The following TIGAR variants were observed in gnomAD, a reference collection of about 807,000 sequenced individuals.
TIGAR encodes TP53 induced glycolysis regulatory phosphatase, also known as fructose-2,6-bisphosphatase TIGAR.
TIGAR carries 7 observed loss-of-function variants against 17.9 expected under a neutral mutation model. The observed-to-expected ratio is 0.39, with a 90% CI of 0.22 to 0.73. TIGAR has a LOEUF of 0.73. TIGAR is among the 30% of genes least tolerant of loss of function. The pLI, the probability that TIGAR is intolerant of heterozygous loss-of-function variation, is 0.42. For synonymous variants in TIGAR, 94 were observed against 108.6 expected, an observed-to-expected ratio of 0.87 and a Z score of 0.84; for missense variants, 258 against 327.4, an observed-to-expected ratio of 0.79 and a Z score of 1.64.
intron 3 of TIGAR, among the ~76,000 whole-genome samples, chr12:4,342,517 A>G (rs1369975600): frequency 1.3e-5 from 2 of 152,362 alleles, no homozygotes; most frequent in African/African-American, 4.8e-5. Flanking sequence ...AGGGAACCCC[A>G]TCAGACTAAC....
chr12:4,347,393 AGTCT>A (rs1864792311), intron 3 of TIGAR, among the ~76,000 whole-genome samples: 3 of 152,138 alleles, frequency 2.0e-5, no homozygotes, highest in Non-Finnish European at 4.4e-5. Flanking sequence ...TGGTTACCAG[AGTCT>A]GGGAAAGGTA....
intron 3 of TIGAR, among the ~76,000 whole-genome samples, chr12:4,339,484 A>C (rs1384105699): frequency 2.6e-5 from 4 of 152,200 alleles, no homozygotes; most frequent in Non-Finnish European, 5.9e-5. Flanking sequence ...AAGTACTAAT[A>C]CCAATCCTAC....
Position 4,354,768 on chromosome 12 carries a change from G to C in TIGAR, c.*2077G>C, listed in dbSNP as rs1297841427. Reference sequence around the variant, plus strand: ...TTTTTTGGAGACAGAGTCTCTCTCTGTTGCCCAGGCTGGGGTGCAATGGCG... The same window carrying C: ...TTTTTTGGAGACAGAGTCTCTCTCTCTTGCCCAGGCTGGGGTGCAATGGCG... On this transcript the variant is annotated 3_prime_UTR_variant, in exon 6 of 6. Transcript: ENST00000179259. 1.5e-5 allele frequency among the ~76,000 whole-genome samples: 2 copies of C among 133,036 alleles called. No homozygotes were observed. Among genetic ancestry groups the C allele is most frequent in the African/African-American group, 5.8e-5 (2 of 34,708 alleles). 87.3% of individuals were successfully genotyped at this position (133,036 alleles called of 152,430 possible).
intron 2 of TIGAR, among the ~76,000 whole-genome samples, chr12:4,334,094 C>T (rs12579860): frequency 6.6e-6 from 1 of 151,828 alleles, no homozygotes; most frequent in East Asian, 1.9e-4. Flanking sequence ...CACTACCTTT[C>T]AAATGATGTA....
intron 2 of TIGAR, 92 bp downstream of exon 2, chr12:4,331,409 G>T: frequency 2.6e-6 from 3 of 1,161,990 alleles, no homozygotes; most frequent in South Asian, 2.5e-5. Context: ...GTAGACTGGG[G>T]GCAGCACTCC....
intron 3 of TIGAR, among the ~76,000 whole-genome samples, chr12:4,349,542 C>T (rs903199305): frequency 2.6e-5 from 4 of 152,008 alleles, no homozygotes; most frequent in Admixed American, 6.6e-5. Context: ...CTCAGCCTCC[C>T]GAGTAGCTGG....
Position 4,359,105 on chromosome 12 carries a change from CTGT to C in TIGAR, c.*6416_*6418del, listed in dbSNP as rs1352567325. On this transcript the variant is annotated 3_prime_UTR_variant, in exon 6 of 6. Transcript: ENST00000179259. ...AGCCTTTATTGTTTATTTTCTGACT[CTGT>C]TTTTTTTTTCTTTAGCCAACTCACG... Among the ~76,000 whole-genome samples the C allele has an allele frequency of 2.3e-4, 3 of 13,120 alleles. No individual in the cohort carries two copies. Among genetic ancestry groups the C allele is most frequent in the South Asian group, 6.8e-3 (1 of 146 alleles). 8.6% of individuals were successfully genotyped at this position (13,120 alleles called of 152,430 possible). A position where few individuals can be genotyped will look rare whatever the true frequency, so the allele number is the denominator to read the frequency against.
chr12:4,321,266 G>T lies in TIGAR; in HGVS notation c.-6G>T, dbSNP rs765162825. On this transcript the variant is annotated 5_prime_UTR_variant, in exon 1 of 6. Coordinates refer to ENST00000179259, the MANE Select transcript of TIGAR (RefSeq NM_020375.3). The surrounding 1 kb of genome is among the most constrained non-coding windows in gnomAD (Gnocchi z 5.2). ...GGGGCCACCGACGGGACGCGGCTCC[G>T]GGAACATGGCTCGCTTCGCTCTGAC... The T allele has an allele frequency of 5.0e-6, 8 of 1,601,004 alleles. No individual in the cohort carries two copies. The highest frequency in any genetic ancestry group is 5.9e-6 in the Non-Finnish European group (7 of 1,179,814).
chr12:4,350,125 A>G (rs1864822395), intron 4 of TIGAR, among the ~76,000 whole-genome samples: 1 of 152,272 alleles, frequency 6.6e-6, no homozygotes, highest in African/African-American at 2.4e-5. Context: ...TACGCTCATA[A>G]GAACTTAACA....
chr12:4,352,242 T>C lies in TIGAR; in HGVS notation c.382-18T>C, dbSNP rs1864844237. ...CATTAATGTCACTTTATTTTGACTT[T>C]TATTTCTTTTCTTGTAGGTGAAAAT... On this transcript the variant is annotated intron_variant, in intron 5 of 5. Coordinates refer to ENST00000179259, the MANE Select transcript of TIGAR (RefSeq NM_020375.3). 2 of 1,591,446 alleles carry C rather than the reference T, an allele frequency of 1.3e-6. No homozygotes were observed. Among genetic ancestry groups the C allele is most frequent in the Admixed American group, 1.8e-5 (1 of 56,600 alleles).
chr12:4,332,898 A>C (rs1202313513), intron 2 of TIGAR, among the ~76,000 whole-genome samples: 4 of 152,172 alleles, frequency 2.6e-5, no homozygotes, highest in Admixed American at 1.3e-4. Flanking sequence ...CCTAAATATC[A>C]ATTTATGAGT....
chr12:4,342,933 C>G (rs531613495), intron 3 of TIGAR, among the ~76,000 whole-genome samples: 60 of 152,262 alleles, frequency 3.9e-4, no homozygotes, highest in African/African-American at 1.3e-3. Flanking sequence ...TTAAAAGACA[C>G]AGACTGGCAA....
At chr12:4,340,452 AT>A (rs1486080718) in intron 3 of TIGAR, among the ~76,000 whole-genome samples, 1 of 152,234 alleles carries the variant, frequency 6.6e-6, no homozygotes, top group African/African-American at 2.4e-5. Context: ...AAGAGTCAAT[AT>A]TGTTAAAATG....
At chr12:4,351,476 T>C (rs1266527324) in intron 5 of TIGAR, 99 bp downstream of exon 5, 10 of 860,230 alleles carry the variant, frequency 1.2e-5, no homozygotes, top group Non-Finnish European at 1.5e-5. Flanking sequence ...TGGTTCATTC[T>C]CTTTTCCATT....
chr12:4,350,422 T>G (rs1292273478), intron 4 of TIGAR, among the ~76,000 whole-genome samples: 3 of 152,190 alleles, frequency 2.0e-5, no homozygotes, highest in Non-Finnish European at 4.4e-5. Context: ...AAAGTTTTGT[T>G]TTTTTACACC....
At chr12:4,323,570 G>A (rs1183146768) in intron 1 of TIGAR, among the ~76,000 whole-genome samples, 2 of 152,154 alleles carry the variant, frequency 1.3e-5, no homozygotes, top group African/African-American at 2.4e-5. Context: ...AGACAGAGAC[G>A]CCTTGTAACT....
chr12:4,358,237 A>G lies in TIGAR; in HGVS notation c.*5546A>G, dbSNP rs894259942. Among the ~76,000 whole-genome samples, 27 of 151,882 alleles carry G rather than the reference A, an allele frequency of 1.8e-4. No homozygotes were observed. The highest frequency in any genetic ancestry group is 6.3e-4 in the African/African-American group (26 of 41,428). On this transcript the variant is annotated 3_prime_UTR_variant, in exon 6 of 6. Coordinates refer to ENST00000179259, the MANE Select transcript of TIGAR (RefSeq NM_020375.3). ...GGAGTTCAAGACCAGCCTGGCCAAC[A>G]TGGTGAAACCCTGTCTTTACTAAAA...
chr12:4,342,229 G>A (rs1345738117), intron 3 of TIGAR, among the ~76,000 whole-genome samples: 11 of 152,176 alleles, frequency 7.2e-5, no homozygotes, highest in African/African-American at 2.7e-4. Flanking sequence ...AGAAATATGG[G>A]ACTATGTGAA....
At chr12:4,328,259 T>A (rs977555849) in intron 1 of TIGAR, among the ~76,000 whole-genome samples, 3 of 152,094 alleles carry the variant, frequency 2.0e-5, no homozygotes, top group Non-Finnish European at 4.4e-5. Context: ...TGGCATGATC[T>A]TGGCTCACTG....
Sources: allele counts gnomAD v4.1 joint callset (sites outside exome capture counted in the v4.1 genomes callset), GRCh38; gene constraint gnomAD v4.1.1; non-coding constraint Gnocchi (gnomAD v3.1); transcripts MANE v1.5; gene names NCBI Gene and HGNC (gene_info 2026-07-23, HGNC 2026-07-21).